Variants in NPY4R observed in about 807,000 individuals in gnomAD.
NPY4R encodes the protein neuropeptide Y receptor type 4.
A neutral mutation model predicts 11.9 loss-of-function variants in NPY4R; 2 were observed. The ratio of observed to expected loss-of-function variants is 0.17; its 90% CI spans 0.07 to 0.53. NPY4R has a LOEUF of 0.53. NPY4R is among the 20% of genes least tolerant of loss of function. The probability of loss-of-function intolerance (pLI) is 0.94; values close to 1 mark genes in which losing one functional copy is unlikely to be tolerated. For missense variants in NPY4R, 26 were observed against 280.2 expected (o/e 0.09, Z 6.48); for synonymous variants, 8 against 121.7 (o/e 0.07, Z 6.15).
At chr10:46,466,219 CT>C (rs1223493033), upstream of NPY4R, among the ~76,000 whole-genome samples, 1 of 64,400 alleles carries the variant, frequency 1.6e-5, no homozygotes, top group Non-Finnish European at 2.9e-5. Flanking sequence ...TTCTTTCTTT[CT>C]TTCTTTCTTT....
upstream of NPY4R, among the ~76,000 whole-genome samples, chr10:46,467,993 C>T (rs1242311893): frequency 9.1e-6 from 1 of 110,406 alleles, no homozygotes; most frequent in Non-Finnish European, 1.9e-5. Context: ...GCAAACAGCT[C>T]CCTTGCCAGG....
At chr10:46,466,259 CTTTCCTTTCTTTCTT>C (rs1306278252), upstream of NPY4R, among the ~76,000 whole-genome samples, 5 of 60,136 alleles carry the variant, frequency 8.3e-5, no homozygotes, top group African/African-American at 5.9e-4. Context: ...TTCTTTCTTT[CTTTCCTTTCTTTCTT>C]TCTTTCTTTC....
chr10:46,466,181 C>CTCTCTTTCTTTCTTTCTTTCTT (rs1283571743), upstream of NPY4R, among the ~76,000 whole-genome samples: 5 of 22,324 alleles, frequency 2.2e-4, no homozygotes, highest in East Asian at 2.0e-3. Context: ...CTGTCTTTCT[C>CTCTCTTTCTTTCTTTCTTTCTT]TCTTTCTTTC....
At chr10:46,466,246 TCTTTCTTTCTTTCTTTC>T (rs1451174173), upstream of NPY4R, among the ~76,000 whole-genome samples, 97 of 68,360 alleles carry the variant, frequency 1.4e-3, 10 homozygotes, top group Admixed American at 6.9e-3. Context: ...TTTCTTTCTT[TCTTTCTTTCTTTCTTTC>T]CTTTCTTTCT....
chr10:46,466,223 C>CTTT (rs1231426385), upstream of NPY4R, among the ~76,000 whole-genome samples: 3 of 65,606 alleles, frequency 4.6e-5, no homozygotes, highest in East Asian at 7.0e-4. Context: ...TTCTTTCTTT[C>CTTT]TTTCTTTCTT....
chr10:46,466,201 TTCTTTC>T (rs1841022745), upstream of NPY4R, among the ~76,000 whole-genome samples: 1 of 18,716 alleles, frequency 5.3e-5, no homozygotes, highest in African/African-American at 2.0e-4. Flanking sequence ...CTTTCTTTCT[TTCTTTC>T]TTTCTTTCTT....
upstream of NPY4R, among the ~76,000 whole-genome samples, chr10:46,466,266 TTCTTTCTTTCTTTCTTTCTCTCTCTC>T (rs1841043898): frequency 1.4e-5 from 1 of 69,012 alleles, no homozygotes; most frequent in African/African-American, 8.3e-5. Flanking sequence ...TTTCTTTCCT[TTCTTTCTTTCTTTCTTTCTCTCTCTC>T]TCTCTCTCTC....
upstream of NPY4R, among the ~76,000 whole-genome samples, chr10:46,466,194 T>C (rs1206198320): frequency 4.4e-5 from 1 of 22,488 alleles, no homozygotes; most frequent in African/African-American, 2.3e-4. Flanking sequence ...TTTCTTTCTT[T>C]CTTTCTTTCT....
intron 1 of NPY4R, among the ~76,000 whole-genome samples, chr10:46,464,377 A>G (rs1224101285): frequency 1.8e-5 from 2 of 110,078 alleles, no homozygotes; most frequent in East Asian, 4.0e-4. Flanking sequence ...TCAAAAAAAA[A>G]AAAAAGAGTC....
chr10:46,466,119 G>C (rs1269839466), upstream of NPY4R, among the ~76,000 whole-genome samples: 8 of 147,360 alleles, frequency 5.4e-5, no homozygotes, highest in African/African-American at 1.7e-4. Context: ...CCCTGCCTGC[G>C]TGTGTCTCTC....
chr10:46,466,278 T>TTTCTTTCTCTCTC (rs1841047256), upstream of NPY4R, among the ~76,000 whole-genome samples: 1 of 73,236 alleles, frequency 1.4e-5, no homozygotes, highest in Non-Finnish European at 2.6e-5. Context: ...CTTTCTTTCT[T>TTTCTTTCTCTCTC]TCTTTCTCTC....
upstream of NPY4R, among the ~76,000 whole-genome samples, chr10:46,466,268 CTTTCTTTCTTTCTT>C (rs1841044688): frequency 7.5e-4 from 49 of 65,454 alleles, 1 homozygote; most frequent in African/African-American, 3.9e-3. Context: ...TCTTTCCTTT[CTTTCTTTCTTTCTT>C]TCTCTCTCTC....
chr10:46,466,263 C>CTTTCTTT (rs1370103147), upstream of NPY4R, among the ~76,000 whole-genome samples: 1 of 12,552 alleles, frequency 8.0e-5, no homozygotes, highest in Non-Finnish European at 2.2e-4. Context: ...TTCTTTCTTT[C>CTTTCTTT]CTTTCTTTCT....
At chr10:46,466,286 C>T (rs868962059), upstream of NPY4R, among the ~76,000 whole-genome samples, 1,519 of 14,198 alleles carry the variant, frequency 0.11, 130 homozygotes, top group Admixed American at 0.14. Context: ...CTTTCTTTCT[C>T]TCTCTCTCTC....
At chr10:46,466,283 TCTCTCTC>T (rs1565142770), upstream of NPY4R, among the ~76,000 whole-genome samples, 1 of 45,110 alleles carries the variant, frequency 2.2e-5, no homozygotes, top group Non-Finnish European at 4.6e-5. Flanking sequence ...TTTCTTTCTT[TCTCTCTC>T]TCTCTCTCTC....
At chr10:46,464,438 G>A (rs2133078181) in intron 1 of NPY4R, among the ~76,000 whole-genome samples, 1 of 116,912 alleles carries the variant, frequency 8.6e-6, no homozygotes, top group East Asian at 2.0e-4. Flanking sequence ...ATAGTTTACA[G>A]TCTGGTTATT....
chr10:46,466,249 T>TTCTTTCTTTC, upstream of NPY4R, among the ~76,000 whole-genome samples: 1 of 67,804 alleles, frequency 1.5e-5, no homozygotes, highest in Non-Finnish European at 2.9e-5. Context: ...CTTTCTTTCT[T>TTCTTTCTTTC]TCTTTCTTTC....
chr10:46,466,282 TTCTCTCTC>T (rs1160755760), upstream of NPY4R, among the ~76,000 whole-genome samples: 5,596 of 61,140 alleles, frequency 0.092, 455 homozygotes, highest in Non-Finnish European at 0.12. Context: ...CTTTCTTTCT[TTCTCTCTC>T]TCTCTCTCTC....
At chr10:46,466,006 C>T, upstream of NPY4R, 1 of 153,344 alleles carries the variant, frequency 6.5e-6, no homozygotes, top group Non-Finnish European at 1.5e-5. Flanking sequence ...CTGCCCCTTG[C>T]GCCCGCCCAC....
Sources: gnomAD v4.1 joint callset for allele counts (sites outside exome capture counted in the v4.1 genomes callset) on GRCh38, gnomAD v4.1.1 for gene constraint, MANE v1.5 for transcripts, NCBI Gene and HGNC (gene_info 2026-07-23, HGNC 2026-07-21) for gene names.